Variants in TMEM132D observed in about 807,000 individuals in gnomAD.
The protein encoded by TMEM132D is mature OL transmembrane protein.
TMEM132D carries 21 observed loss-of-function variants against 62.3 expected under a neutral mutation model. The observed-to-expected ratio is 0.34, with a 90% CI of 0.24 to 0.49. The LOEUF is 0.49. Ranked by LOEUF, TMEM132D falls within the 20% of genes least tolerant of loss-of-function variation. The pLI is 0.99. For synonymous variants in TMEM132D, 621 were observed against 575.6 expected (o/e 1.08, Z -1.13); for missense variants, 1,346 against 1,402.8 (o/e 0.96, Z 0.65).
chr12:129,102,454 G>T (rs923338626), intron 5 of TMEM132D, among the ~76,000 whole-genome samples: 1 of 148,368 alleles, frequency 6.7e-6, no homozygotes, highest in Non-Finnish European at 1.5e-5. Flanking sequence ...CACACATGCA[G>T]GCACATGCAT....
chr12:129,540,970 T>C (rs1876567756), intron 2 of TMEM132D, among the ~76,000 whole-genome samples: 1 of 152,208 alleles, frequency 6.6e-6, no homozygotes, highest in South Asian at 2.1e-4. Context: ...CCTCTTTTCA[T>C]ATACTCTTCA....
chr12:129,150,845 T>C (rs1877050156), intron 5 of TMEM132D, among the ~76,000 whole-genome samples: 1 of 152,218 alleles, frequency 6.6e-6, no homozygotes. Context: ...ACTAAAGTGA[T>C]CTAGAGGTGG....
chr12:129,166,714 TATA>T (rs1877566789), intron 5 of TMEM132D, among the ~76,000 whole-genome samples: 1 of 85,610 alleles, frequency 1.2e-5, no homozygotes, highest in African/African-American at 4.2e-5. Flanking sequence ...CACACACACA[TATA>T]CACACACACA....
At chr12:129,496,800 G>C (rs879334514) in intron 3 of TMEM132D, among the ~76,000 whole-genome samples, 4 of 152,092 alleles carry the variant, frequency 2.6e-5, no homozygotes, top group Non-Finnish European at 5.9e-5. Flanking sequence ...ACAATCACTC[G>C]TGCTCACTAA....
At chr12:129,425,288 T>C (rs559524526) in intron 3 of TMEM132D, among the ~76,000 whole-genome samples, 1 of 152,282 alleles carries the variant, frequency 6.6e-6, no homozygotes, top group East Asian at 1.9e-4. Context: ...TGCTGGCCCA[T>C]ATGGGAAATT....
intron 3 of TMEM132D, among the ~76,000 whole-genome samples, chr12:129,476,141 C>T (rs901257093): frequency 1.3e-4 from 20 of 152,138 alleles, no homozygotes; most frequent in African/African-American, 4.8e-4. Flanking sequence ...TACCAGTTGG[C>T]AACACGCAGC....
intron 5 of TMEM132D, among the ~76,000 whole-genome samples, chr12:129,107,956 G>C (rs552657371): frequency 6.6e-6 from 1 of 151,794 alleles, no homozygotes. Context: ...GCCTCCCAAA[G>C]TGCTAGCATT....
At position 129,648,003 on chromosome 12, in the gene TMEM132D, C is replaced by T. The variant is rs184073223; in HGVS notation, c.968+51807G>A. On this transcript the variant is annotated intron_variant, in intron 2 of 8. Transcript: ENST00000422113. The stretch of plus-strand genomic sequence containing the variant: ...AAATTTGAAACAAAGATGATAATAA[C>T]CCCTCCCCAAAACAAAGTCCCTCCC... 3.0e-3 allele frequency among the ~76,000 whole-genome samples: 463 copies of T among 152,230 alleles called. 5 individuals carry two copies. The highest frequency in any genetic ancestry group is 0.011 in the South Asian group (55 of 4,816).
At chr12:129,247,929 G>C (rs1187747666) in intron 4 of TMEM132D, among the ~76,000 whole-genome samples, 1 of 151,724 alleles carries the variant, frequency 6.6e-6, no homozygotes, top group African/African-American at 2.4e-5. Context: ...CGGGTACTTG[G>C]AAGGCAACAA....
chr12:129,530,276 C>A (rs965297865), intron 3 of TMEM132D, among the ~76,000 whole-genome samples: 5 of 152,120 alleles, frequency 3.3e-5, no homozygotes, highest in Non-Finnish European at 7.4e-5. Flanking sequence ...TTTAAAAATG[C>A]ACTCCAGAAA....
At chr12:129,349,867 C>T (rs1869811486) in intron 3 of TMEM132D, among the ~76,000 whole-genome samples, 2 of 152,284 alleles carry the variant, frequency 1.3e-5, no homozygotes, top group South Asian at 2.1e-4. Context: ...CAATAATGGC[C>T]CATCTTTCCC....
At chr12:129,583,402 C>T (rs1020957344) in intron 2 of TMEM132D, among the ~76,000 whole-genome samples, 8 of 152,230 alleles carry the variant, frequency 5.3e-5, no homozygotes, top group Admixed American at 2.6e-4. Context: ...TAAAATGTTT[C>T]GTGTATTGAT....
chr12:129,697,050 G>A (rs536600401), intron 2 of TMEM132D, among the ~76,000 whole-genome samples: 3 of 152,144 alleles, frequency 2.0e-5, no homozygotes, highest in Non-Finnish European at 4.4e-5. Context: ...TGCTTCAGCC[G>A]TCGCATGCCC....
intron 1 of TMEM132D, among the ~76,000 whole-genome samples, chr12:129,785,684 T>A (rs1871231879): frequency 6.6e-6 from 1 of 152,176 alleles, no homozygotes; most frequent in Non-Finnish European, 1.5e-5. Context: ...TTCTGGTGCC[T>A]AGATCTCCAA....
chr12:129,425,086 G>A (rs1412268040), intron 3 of TMEM132D, among the ~76,000 whole-genome samples: 5 of 152,162 alleles, frequency 3.3e-5, no homozygotes, highest in Non-Finnish European at 7.4e-5. Context: ...GTCAAAGGAC[G>A]TATAAGTAAT....
chr12:129,774,913 T>C (rs962392082), intron 1 of TMEM132D, among the ~76,000 whole-genome samples: 2 of 152,008 alleles, frequency 1.3e-5, no homozygotes, highest in African/African-American at 4.8e-5. Context: ...AGCTGCAAAA[T>C]GGAGATGATG....
intron 1 of TMEM132D, among the ~76,000 whole-genome samples, chr12:129,771,398 T>C (rs1282996576): frequency 6.6e-6 from 1 of 152,218 alleles, no homozygotes; most frequent in Non-Finnish European, 1.5e-5. Context: ...ATACATAAGC[T>C]GCTTCACCTG....
intron 2 of TMEM132D, among the ~76,000 whole-genome samples, chr12:129,660,016 G>T (rs1001463453): frequency 4.6e-5 from 7 of 152,196 alleles, no homozygotes; most frequent in African/African-American, 1.4e-4. Flanking sequence ...TGAAATTATT[G>T]CTGGGTCATG....
intron 1 of TMEM132D, among the ~76,000 whole-genome samples, chr12:129,789,786 T>A (rs1385576584): frequency 6.6e-6 from 1 of 152,210 alleles, no homozygotes; most frequent in African/African-American, 2.4e-5. Flanking sequence ...ATTTTCACCC[T>A]TTAGCGACAC....
Sources: gnomAD v4.1 joint callset for allele counts (sites outside exome capture counted in the v4.1 genomes callset) on GRCh38, gnomAD v4.1.1 for gene constraint, MANE v1.5 for transcripts, NCBI Gene and HGNC (gene_info 2026-07-23, HGNC 2026-07-21) for gene names.